RIT2: variants seen among roughly 807,000 people sequenced by gnomAD.
RIT2 encodes GTP-binding protein Rit2.
RIT2 carries 24 observed loss-of-function variants against 23.7 expected under a neutral mutation model. The observed-to-expected ratio is 1.01, with a 90% CI of 0.73 to 1.43. The LOEUF (loss-of-function observed/expected upper bound fraction) is 1.43, where lower values mean the gene tolerates loss of function less well. Among genes scored for constraint, RIT2 ranks in the 40% most tolerant of loss-of-function variants. The probability of loss-of-function intolerance (pLI) is 0.00; values close to 1 mark genes in which losing one functional copy is unlikely to be tolerated. For missense variants in RIT2, 236 were observed against 266.9 expected, an observed-to-expected ratio of 0.88 and a Z score of 0.81; for synonymous variants, 107 against 91.1, an observed-to-expected ratio of 1.17 and a Z score of -0.99.
chr18:43,060,207 A>G (rs1252096691), intron 1 of RIT2, among the ~76,000 whole-genome samples: 1 of 152,134 alleles, frequency 6.6e-6, no homozygotes, highest in Admixed American at 6.5e-5. Flanking sequence ...AGAGAATAAG[A>G]GAGTTATCCA....
chr18:43,054,830 C>CTGAATGTT (rs1421388039), intron 1 of RIT2, among the ~76,000 whole-genome samples: 2 of 152,076 alleles, frequency 1.3e-5, no homozygotes, highest in Non-Finnish European at 2.9e-5. Flanking sequence ...CTGTTACTCC[C>CTGAATGTT]ATGACGCATT....
At chr18:42,889,673 A>C (rs1908119802) in intron 4 of RIT2, among the ~76,000 whole-genome samples, 1 of 152,042 alleles carries the variant, frequency 6.6e-6, no homozygotes, top group Non-Finnish European at 1.5e-5. Context: ...TCATTTTGTG[A>C]TGGACACATT....
At chr18:42,958,818 T>G (rs1023219477) in intron 3 of RIT2, among the ~76,000 whole-genome samples, 1 of 152,162 alleles carries the variant, frequency 6.6e-6, no homozygotes, top group Non-Finnish European at 1.5e-5. Context: ...ATGATCTTCC[T>G]ACATGTATTG....
At chr18:43,038,371 C>T (rs973795671) in intron 1 of RIT2, among the ~76,000 whole-genome samples, 27 of 139,176 alleles carry the variant, frequency 1.9e-4, no homozygotes, top group African/African-American at 7.2e-4. Flanking sequence ...ACTTTTTATG[C>T]TGTTGAATAT....
rs149088702 is a variant in RIT2, at chr18:43,009,247, TA to T, written c.160+24563del. 2.6e-3 allele frequency among the ~76,000 whole-genome samples: 393 copies of T among 151,836 alleles called. 1 individual carries two copies. The highest frequency in any genetic ancestry group is 9.0e-3 in the African/African-American group (372 of 41,484). ...TACACGTCAGTCACAAACTTTTTTT[TA>T]AAATTTAAATGTAATGTTGTTGTTT... On this transcript the variant is annotated intron_variant, in intron 2 of 4. Coordinates refer to ENST00000326695, the MANE Select transcript of RIT2 (RefSeq NM_002930.4).
At chr18:42,890,931 A>T (rs1301323995) in intron 4 of RIT2, among the ~76,000 whole-genome samples, 5 of 152,178 alleles carry the variant, frequency 3.3e-5, no homozygotes, top group Admixed American at 3.3e-4. Flanking sequence ...GATACAACAA[A>T]GAAATTTATA....
At chr18:42,974,216 T>C (rs984656619) in intron 2 of RIT2, 69 bp from the exon 3 acceptor site, 17 of 1,025,418 alleles carry the variant, frequency 1.7e-5, no homozygotes, top group Non-Finnish European at 2.5e-5. Flanking sequence ...TTAGATTTCA[T>C]ATAGAAGAAT....
intron 4 of RIT2, among the ~76,000 whole-genome samples, chr18:42,766,933 A>C (rs2143909118): frequency 6.6e-6 from 1 of 152,314 alleles, no homozygotes; most frequent in Non-Finnish European, 1.5e-5. Context: ...CTGTAGGTGC[A>C]CAGAAGTCAA....
At chr18:42,869,126 A>T (rs1406833906) in intron 4 of RIT2, among the ~76,000 whole-genome samples, 2 of 152,214 alleles carry the variant, frequency 1.3e-5, no homozygotes, top group Non-Finnish European at 2.9e-5. Flanking sequence ...CCCCAAACTT[A>T]TTGGCACCAG....
intron 1 of RIT2, among the ~76,000 whole-genome samples, chr18:43,078,451 A>G (rs1887515197): frequency 6.6e-6 from 1 of 151,846 alleles, no homozygotes; most frequent in African/African-American, 2.4e-5. Flanking sequence ...TCACTGCCAC[A>G]TGTATAAATC....
At chr18:42,962,146 T>C (rs1025636017) in intron 3 of RIT2, among the ~76,000 whole-genome samples, 1 of 152,198 alleles carries the variant, frequency 6.6e-6, no homozygotes, top group Non-Finnish European at 1.5e-5. Context: ...TGATATAAAA[T>C]AGTCAACCAT....
rs548968189 is a variant in RIT2, at chr18:43,002,832, T to A, written c.161-28685A>T. ...AAATTGAAGTTTTATGTGCATTTAA[T>A]GTTGTTAATCAGCTGAACTCAGCAT... On this transcript the variant is annotated intron_variant, in intron 2 of 4. Coordinates refer to ENST00000326695, the MANE Select transcript of RIT2 (RefSeq NM_002930.4). 5.3e-5 allele frequency among the ~76,000 whole-genome samples: 8 copies of A among 152,050 alleles called. No individual in the cohort carries two copies. The South Asian group carries it at 1.7e-3, about 31-fold the overall frequency.
At chr18:42,962,787 T>C (rs894089621) in intron 3 of RIT2, among the ~76,000 whole-genome samples, 2 of 152,242 alleles carry the variant, frequency 1.3e-5, no homozygotes, top group Non-Finnish European at 2.9e-5. Context: ...ATGGTCATTA[T>C]CATTTTCATT....
chr18:42,777,602 A>C (rs561690197), intron 4 of RIT2, among the ~76,000 whole-genome samples: 1 of 152,322 alleles, frequency 6.6e-6, no homozygotes, highest in East Asian at 1.9e-4. Flanking sequence ...AATGGGATTT[A>C]ATATGTTGGA....
At chr18:43,077,081 C>T (rs989789891) in intron 1 of RIT2, among the ~76,000 whole-genome samples, 1 of 118,240 alleles carries the variant, frequency 8.5e-6, no homozygotes, top group African/African-American at 3.2e-5. Context: ...CCAGCCTGGG[C>T]GACAGAGCGA....
chr18:42,977,276 C>T (rs904045632), intron 2 of RIT2, among the ~76,000 whole-genome samples: 1 of 151,852 alleles, frequency 6.6e-6, no homozygotes, highest in African/African-American at 2.4e-5. Context: ...TACACATTAT[C>T]TGTAAAACAC....
At chr18:43,037,965 G>A (rs1035101510) in intron 1 of RIT2, among the ~76,000 whole-genome samples, 2 of 152,030 alleles carry the variant, frequency 1.3e-5, no homozygotes, top group African/African-American at 4.8e-5. Context: ...AGTACTTTGA[G>A]AGGCCAAGGC....
chr18:43,059,262 ATTAT>A (rs974525677), intron 1 of RIT2, among the ~76,000 whole-genome samples: 44 of 152,254 alleles, frequency 2.9e-4, no homozygotes, highest in Middle Eastern at 3.4e-3. Flanking sequence ...CATGGGTATA[ATTAT>A]TTATCTGTTT....
intron 3 of RIT2, among the ~76,000 whole-genome samples, chr18:42,954,075 C>T (rs180775786): frequency 6.7e-4 from 102 of 152,100 alleles, no homozygotes; most frequent in East Asian, 5.8e-4. Context: ...AAAGTAGCAG[C>T]GTATCTTTTA....
Sources: allele counts gnomAD v4.1 joint callset (sites outside exome capture counted in the v4.1 genomes callset), GRCh38; gene constraint gnomAD v4.1.1; transcripts MANE v1.5; gene names NCBI Gene and HGNC (gene_info 2026-07-23, HGNC 2026-07-21).